Variants in PABPC4L observed in about 807,000 individuals in gnomAD.
PABPC4L encodes the protein poly(A) binding protein cytoplasmic 4 like, also known as polyadenylate-binding protein 4-like.
For synonymous variants in PABPC4L, 169 were observed against 164.1 expected, an observed-to-expected ratio of 1.03 and a Z score of -0.23; for missense variants, 452 against 451.4, an observed-to-expected ratio of 1.00 and a Z score of -0.01.
the PABPC4L span, among the ~76,000 whole-genome samples, chr4:134,028,545 T>G: frequency 3.9e-5 from 6 of 152,188 alleles, no homozygotes; most frequent in African/African-American, 1.2e-4. Flanking sequence ...TAGGTCAACT[T>G]CACTGTTAAT....
chr4:134,157,679 C>T, the PABPC4L span, among the ~76,000 whole-genome samples: 7 of 151,678 alleles, frequency 4.6e-5, no homozygotes, highest in African/African-American at 1.7e-4. Context: ...TTTTGGATAT[C>T]AAGATTTTAA....
chr4:134,193,082 C>T (rs1729557155), downstream of PABPC4L, among the ~76,000 whole-genome samples: 1 of 151,920 alleles, frequency 6.6e-6, no homozygotes, highest in African/African-American at 2.4e-5. Flanking sequence ...GTTGATTTGC[C>T]CAACTTTGTT....
chr4:134,049,465 A>G, the PABPC4L span, among the ~76,000 whole-genome samples: 2 of 152,280 alleles, frequency 1.3e-5, no homozygotes, highest in East Asian at 3.9e-4. Context: ...GGTATCTCCT[A>G]TTGTATTATG....
At chr4:134,112,416 T>A in the PABPC4L span, among the ~76,000 whole-genome samples, 1 of 151,922 alleles carries the variant, frequency 6.6e-6, no homozygotes, top group African/African-American at 2.4e-5. Flanking sequence ...GTCAATATAC[T>A]CTAGTAAGTT....
the PABPC4L span, among the ~76,000 whole-genome samples, chr4:134,050,578 G>A: frequency 0.016 from 2,435 of 151,838 alleles, 75 homozygotes; most frequent in Admixed American, 0.077. Context: ...GGTAGCAGGC[G>A]CCTGTAAACC....
the PABPC4L span, among the ~76,000 whole-genome samples, chr4:134,012,880 T>C: frequency 6.6e-6 from 1 of 152,152 alleles, no homozygotes; most frequent in East Asian, 1.9e-4. Flanking sequence ...TCATTTCAAT[T>C]CCTTTCATTT....
chr4:134,195,910 G>A (rs991603792), downstream of PABPC4L, among the ~76,000 whole-genome samples: 4 of 151,532 alleles, frequency 2.6e-5, no homozygotes, highest in African/African-American at 7.3e-5. Flanking sequence ...CAAAAGTATC[G>A]TGAGGGTATT....
chr4:134,014,479 A>T, the PABPC4L span, among the ~76,000 whole-genome samples: 551 of 152,282 alleles, frequency 3.6e-3, 2 homozygotes, highest in African/African-American at 0.012. Context: ...AGGCCAAGGA[A>T]TGCCTGCAGC....
At chr4:134,013,952 C>T in the PABPC4L span, among the ~76,000 whole-genome samples, 1 of 152,132 alleles carries the variant, frequency 6.6e-6, no homozygotes, top group South Asian at 2.1e-4. Flanking sequence ...AGCCCTCCCC[C>T]ACCTGCCCAG....
chr4:134,152,601 CAG>C, the PABPC4L span, among the ~76,000 whole-genome samples: 1 of 152,130 alleles, frequency 6.6e-6, no homozygotes, highest in African/African-American at 2.4e-5. Context: ...ATGTGGAAGA[CAG>C]AGGGGCTTAC....
At chr4:133,996,420 T>G in the PABPC4L span, among the ~76,000 whole-genome samples, 1 of 152,176 alleles carries the variant, frequency 6.6e-6, no homozygotes, top group Non-Finnish European at 1.5e-5. Flanking sequence ...TAATTGAGCC[T>G]GCGAGACGAA....
chr4:134,061,918 T>G, the PABPC4L span, among the ~76,000 whole-genome samples: 3 of 151,690 alleles, frequency 2.0e-5, no homozygotes, highest in Non-Finnish European at 1.5e-5. Context: ...TAAAGATTTT[T>G]AAGCAATTTT....
chr4:134,059,584 T>G, the PABPC4L span, among the ~76,000 whole-genome samples: 1 of 151,178 alleles, frequency 6.6e-6, no homozygotes, highest in Non-Finnish European at 1.5e-5. Context: ...CATATGGCAC[T>G]GATGAAATAT....
the PABPC4L span, among the ~76,000 whole-genome samples, chr4:134,069,988 G>GA: frequency 2.8e-5 from 3 of 108,302 alleles, no homozygotes; most frequent in Non-Finnish European, 5.2e-5. Context: ...CCTTTGGAGG[G>GA]TTTTTTTTTT....
the PABPC4L span, among the ~76,000 whole-genome samples, chr4:134,012,038 T>C: frequency 6.6e-6 from 1 of 152,162 alleles, no homozygotes; most frequent in Non-Finnish European, 1.5e-5. Flanking sequence ...TTAATATATT[T>C]ATTCTTGAAG....
At chr4:134,094,659 A>G in the PABPC4L span, among the ~76,000 whole-genome samples, 1 of 151,856 alleles carries the variant, frequency 6.6e-6, no homozygotes, top group African/African-American at 2.4e-5. Flanking sequence ...TTACTGAAAA[A>G]TATGTTTAAA....
At chr4:134,009,603 C>T in the PABPC4L span, among the ~76,000 whole-genome samples, 2 of 151,958 alleles carry the variant, frequency 1.3e-5, no homozygotes, top group Non-Finnish European at 1.5e-5. Context: ...GGAAACACTG[C>T]TAGGTTTAAT....
At chr4:133,997,521 G>A in the PABPC4L span, among the ~76,000 whole-genome samples, 2 of 152,032 alleles carry the variant, frequency 1.3e-5, no homozygotes, top group South Asian at 4.2e-4. Flanking sequence ...AAAACCTTTT[G>A]TATAGTTGCC....
chr4:134,178,842 A>G, the PABPC4L span, among the ~76,000 whole-genome samples: 1 of 152,170 alleles, frequency 6.6e-6, no homozygotes, highest in Non-Finnish European at 1.5e-5. Flanking sequence ...AAAGACAAAA[A>G]TGAAGAAAAA....
Sources: allele counts gnomAD v4.1 joint callset (sites outside exome capture counted in the v4.1 genomes callset), GRCh38; gene constraint gnomAD v4.1.1; transcripts MANE v1.5; gene names NCBI Gene and HGNC (gene_info 2026-07-23, HGNC 2026-07-21).